Variants in SETBP1 observed in about 807,000 individuals in gnomAD.
SETBP1 encodes the protein SET-binding protein.
In SETBP1, 9 loss-of-function variants were observed where a neutral mutation model predicts 101.0. The ratio of observed to expected loss-of-function variants is 0.09; its 90% CI spans 0.05 to 0.16. The LOEUF (loss-of-function observed/expected upper bound fraction) is 0.16. SETBP1 is among the 10% of genes least tolerant of loss of function. SETBP1 has a pLI of 1.00. For synonymous variants in SETBP1, 818 were observed against 788.5 expected (o/e 1.04, Z -0.63); for missense variants, 1,858 against 2,033.8 (o/e 0.91, Z 1.66).
intron 2 of SETBP1, among the ~76,000 whole-genome samples, chr18:44,831,099 A>G (rs890297787): frequency 2.6e-5 from 4 of 152,244 alleles, no homozygotes; most frequent in African/African-American, 7.2e-5. Flanking sequence ...AAAAAAGGAC[A>G]AATAAGCACA....
intron 3 of SETBP1, among the ~76,000 whole-genome samples, chr18:44,874,811 A>G (rs2069359415): frequency 6.6e-6 from 1 of 152,230 alleles, no homozygotes; most frequent in Non-Finnish European, 1.5e-5. Context: ...CCTGGGTTCC[A>G]TGAGTCCTCA....
At chr18:44,985,258 A>C (rs1040786134) in intron 4 of SETBP1, among the ~76,000 whole-genome samples, 1 of 152,236 alleles carries the variant, frequency 6.6e-6, no homozygotes, top group South Asian at 2.1e-4. Context: ...TCTTAAAAAA[A>C]AAAGTTTACT....
chr18:45,026,552 G>A (rs1165469495), intron 4 of SETBP1, among the ~76,000 whole-genome samples: 2 of 152,134 alleles, frequency 1.3e-5, no homozygotes, highest in African/African-American at 2.4e-5. Flanking sequence ...TATTACTATA[G>A]CAAATTCGTA....
intron 2 of SETBP1, among the ~76,000 whole-genome samples, chr18:44,858,467 A>AT (rs1360816693): frequency 6.6e-6 from 1 of 152,284 alleles, no homozygotes. Flanking sequence ...CAGTTGGCTA[A>AT]TTAAAATAAA....
chr18:44,774,538 T>G (rs1283377084), intron 2 of SETBP1, among the ~76,000 whole-genome samples: 1 of 152,300 alleles, frequency 6.6e-6, no homozygotes, highest in Non-Finnish European at 1.5e-5. Flanking sequence ...TAGGTGGTGA[T>G]CACAAGTAGG....
At chr18:45,046,494 T>C (rs1371159250) in intron 5 of SETBP1, among the ~76,000 whole-genome samples, 1 of 152,302 alleles carries the variant, frequency 6.6e-6, no homozygotes, top group Non-Finnish European at 1.5e-5. Flanking sequence ...TGATTATTCT[T>C]GAGTTAAAGA....
rs1428203605 is a variant in SETBP1 at position 44,951,664 on chromosome 18, C to G, written c.2324C>G (p.Ala775Gly). 1.9e-6 allele frequency: 3 copies of G among 1,614,084 alleles called. No homozygotes were observed. The highest frequency in any genetic ancestry group is 1.7e-6 in the Non-Finnish European group (2 of 1,180,044). ...TCACTTGTGGCGTCTTCACCAGCAGCTATGCACCCACTTTCAACACAGTTA... is the reference window on the plus strand; with the variant it reads ...TCACTTGTGGCGTCTTCACCAGCAGGTATGCACCCACTTTCAACACAGTTA... ...FQSLVASSPA[A>G]MHPLSTQLGG... is the part of the protein sequence containing the mutation. The change falls in exon 4 of 6, where the codon GCT (alanine) becomes GGT (glycine). Residue 775 changes from alanine to glycine, a missense_variant. Around this residue, in one of 12 missense-constraint regions of SETBP1, gnomAD observed 121 missense variants for 138.0 expected, o/e 0.88. Transcript: ENST00000649279. This position sits in a 1 kb window ranked among gnomAD's most constrained non-coding sequence, Gnocchi z 7.8.
At chr18:44,831,060 T>C (rs1307614928) in intron 2 of SETBP1, among the ~76,000 whole-genome samples, 1 of 152,256 alleles carries the variant, frequency 6.6e-6, no homozygotes, top group Non-Finnish European at 1.5e-5. Context: ...GTCTTTTCTT[T>C]TCTGTTTTTA....
intron 3 of SETBP1, 108 bp downstream of exon 3, chr18:44,869,391 C>G: frequency 2.0e-6 from 2 of 1,013,314 alleles, no homozygotes; most frequent in South Asian, 2.6e-5. Context: ...CCTTGGATTT[C>G]TAGCTTCTTT....
intron 2 of SETBP1, among the ~76,000 whole-genome samples, chr18:44,810,342 C>T (rs2071835220): frequency 6.6e-6 from 1 of 152,212 alleles, no homozygotes; most frequent in Admixed American, 6.5e-5. Flanking sequence ...TATAAGGTGC[C>T]TCCTAAGCTC....
chr18:45,025,183 T>G (rs928948590), intron 4 of SETBP1, among the ~76,000 whole-genome samples: 1 of 152,208 alleles, frequency 6.6e-6, no homozygotes, highest in Non-Finnish European at 1.5e-5. Flanking sequence ...AGGGAGGTGA[T>G]GAATACTACC....
intron 3 of SETBP1, among the ~76,000 whole-genome samples, chr18:44,931,578 C>G (rs1374575940): frequency 6.6e-6 from 1 of 152,098 alleles, no homozygotes; most frequent in African/African-American, 2.4e-5. Flanking sequence ...GAGTCTAAGT[C>G]TCTTTGTAGG....
At chr18:45,026,882 A>G (rs146981232) in intron 4 of SETBP1, among the ~76,000 whole-genome samples, 23 of 152,330 alleles carry the variant, frequency 1.5e-4, no homozygotes, top group African/African-American at 5.1e-4. Flanking sequence ...ACCTGAGCTT[A>G]AAAATATCTA....
At chr18:45,062,036 G>A (rs1003241906) in intron 5 of SETBP1, among the ~76,000 whole-genome samples, 4 of 152,218 alleles carry the variant, frequency 2.6e-5, no homozygotes, top group African/African-American at 9.7e-5. Context: ...GTGTGTGTGT[G>A]TGCATGTGCA....
intron 4 of SETBP1, among the ~76,000 whole-genome samples, chr18:44,990,151 A>G (rs1364656415): frequency 1.3e-5 from 2 of 152,150 alleles, no homozygotes; most frequent in Non-Finnish European, 2.9e-5. Context: ...AACTGAGAGT[A>G]TTTTCTACCA....
chr18:44,720,063 G>C (rs946111946), intron 2 of SETBP1, among the ~76,000 whole-genome samples: 3 of 152,180 alleles, frequency 2.0e-5, no homozygotes, highest in Admixed American at 6.5e-5. Context: ...TAGAGAGAGT[G>C]CACTGTTGTG....
intron 2 of SETBP1, among the ~76,000 whole-genome samples, chr18:44,820,071 G>A (rs930098162): frequency 2.6e-5 from 4 of 152,232 alleles, no homozygotes; most frequent in Admixed American, 6.5e-5. Context: ...GGCTGGTTAT[G>A]AGGAGTGGCA....
intron 4 of SETBP1, among the ~76,000 whole-genome samples, chr18:44,995,865 G>A (rs1266367246): frequency 6.6e-6 from 1 of 152,192 alleles, no homozygotes; most frequent in Non-Finnish European, 1.5e-5. Flanking sequence ...CATGAGGGCA[G>A]GGCCCTAAAC....
chr18:44,964,683 C>T (rs1193269457), intron 4 of SETBP1, among the ~76,000 whole-genome samples: 1 of 151,868 alleles, frequency 6.6e-6, no homozygotes, highest in Non-Finnish European at 1.5e-5. Context: ...AAATAGCCAC[C>T]ATGATAATGT....
Sources: allele counts gnomAD v4.1 joint callset (sites outside exome capture counted in the v4.1 genomes callset), GRCh38; gene constraint gnomAD v4.1.1; regional missense constraint gnomAD v4.1.1; non-coding constraint Gnocchi (gnomAD v3.1); transcripts MANE v1.5; gene names NCBI Gene and HGNC (gene_info 2026-07-23, HGNC 2026-07-21).